CLPTM1: variants seen among roughly 807,000 people sequenced by gnomAD.
The protein encoded by CLPTM1 is CLPTM1 regulator of GABA type A receptor forward trafficking.
A neutral mutation model predicts 77.3 loss-of-function variants in CLPTM1; 21 were observed. The ratio of observed to expected loss-of-function variants is 0.27; its 90% confidence interval spans 0.19 to 0.39. The LOEUF (loss-of-function observed/expected upper bound fraction) is 0.39, where lower values mean the gene tolerates loss of function less well. CLPTM1 is among the 10% of genes least tolerant of loss of function. The pLI is 1.00. For synonymous variants in CLPTM1, 373 were observed against 381.0 expected, an observed-to-expected ratio of 0.98 and a Z score of 0.24; for missense variants, 642 against 921.2, an observed-to-expected ratio of 0.70 and a Z score of 3.92.
rs775999478 is a variant in CLPTM1, at chr19:44,982,065, GTGAC to G, written c.587-3150_587-3147del. ...TGTCAGTTTTCAGAATCTAGTGTGT[GTGAC>G]TGGGCACGGTGGCTCACATCTGTAA... On this transcript the variant is annotated intron_variant, in intron 5 of 13. Coordinates refer to ENST00000337392, the MANE Select transcript of CLPTM1 (RefSeq NM_001294.4). Among the ~76,000 whole-genome samples, 5 of 151,918 alleles carry G rather than the reference GTGAC, an allele frequency of 3.3e-5. No individual in the cohort carries two copies. The East Asian group carries it at 9.7e-4, about 29-fold the overall frequency.
chr19:44,987,219 C>T lies in CLPTM1; in HGVS notation c.834C>T (p.Ile278=). The T allele has an allele frequency of 6.2e-7, 1 of 1,614,216 alleles. No individual in the cohort carries two copies. The highest frequency in any genetic ancestry group is 8.5e-7 in the Non-Finnish European group (1 of 1,180,010). Residue 278 remains isoleucine (I), a synonymous_variant, in exon 8 of 14, where the codon ATC becomes ATT. Coordinates refer to ENST00000337392, the MANE Select transcript of CLPTM1 (RefSeq NM_001294.4). ...CCGTGAGCGGTGACTACTATCCCAT[C>T]ATCTACTTCAATGACTACTGGAACC... ...FDAVSGDYYP[I]IYFNDYWNLQ... is the part of the protein sequence containing the mutation.
intron 3 of CLPTM1, among the ~76,000 whole-genome samples, chr19:44,973,765 T>TTTTCTG (rs1555721348): frequency 7.6e-6 from 1 of 131,640 alleles, no homozygotes; most frequent in Non-Finnish European, 1.6e-5. Context: ...CAGTGGGTTT[T>TTTTCTG]TTTTTTTTTT....
intron 2 of CLPTM1, among the ~76,000 whole-genome samples, chr19:44,972,450 C>T (rs1390012552): frequency 1.3e-5 from 2 of 151,828 alleles, no homozygotes; most frequent in Non-Finnish European, 2.9e-5. Context: ...AGGGTTTCAC[C>T]ATGTTAGCCA....
Position 44,977,336 on chromosome 19 carries a change from T to G in CLPTM1, c.469-7T>G. On this transcript the variant is annotated splice_polypyrimidine_tract_variant and splice_region_variant and intron_variant, in intron 4 of 13. Transcript: ENST00000337392. ...AGCCTGCCCACCTGACCTTCCGTCT[T>G]TTGCAGAGCGTCCAGCAGAACGGCT... is the stretch of plus-strand genomic sequence containing the variant. The G allele has an allele frequency of 6.2e-7, 1 of 1,606,698 alleles. No individual in the cohort carries two copies. The highest frequency in any genetic ancestry group is 8.5e-7 in the Non-Finnish European group (1 of 1,178,696).
intron 2 of CLPTM1, among the ~76,000 whole-genome samples, chr19:44,972,442 G>A (rs977450042): frequency 1.3e-5 from 2 of 151,756 alleles, no homozygotes; most frequent in African/African-American, 2.4e-5. Flanking sequence ...GTAGAGACAG[G>A]GTTTCACCAT....
chr19:44,983,769 T>C (rs1009745730), intron 5 of CLPTM1, among the ~76,000 whole-genome samples: 1 of 151,872 alleles, frequency 6.6e-6, no homozygotes, highest in African/African-American at 2.4e-5. Context: ...GAGACAATCC[T>C]GGCTAACACA....
chr19:44,960,246 C>T (rs908431226), intron 1 of CLPTM1, among the ~76,000 whole-genome samples: 1 of 152,188 alleles, frequency 6.6e-6, no homozygotes, highest in African/African-American at 2.4e-5. Context: ...CTCTGACCAC[C>T]CACTCCAAAG....
chr19:44,975,818 T>A (rs1970797599), intron 4 of CLPTM1, among the ~76,000 whole-genome samples: 1 of 152,122 alleles, frequency 6.6e-6, no homozygotes, highest in Admixed American at 6.6e-5. Context: ...CCTACCTTGG[T>A]CTCCCAAAGT....
At chr19:44,968,058 T>C (rs918120581) in intron 2 of CLPTM1, among the ~76,000 whole-genome samples, 2 of 152,252 alleles carry the variant, frequency 1.3e-5, no homozygotes, top group African/African-American at 4.8e-5. Context: ...TTGATTTTTT[T>C]CATTAACAAT....
chr19:44,954,862 A>ATCCT (rs1432937981), upstream of CLPTM1: 1 of 1,206,226 alleles, frequency 8.3e-7, no homozygotes, highest in Admixed American at 2.7e-5. Flanking sequence ...CTTGAACGAA[A>ATCCT]GAGTTGTCTT....
upstream of CLPTM1, chr19:44,955,237 C>A: frequency 6.7e-7 from 1 of 1,503,452 alleles, no homozygotes; most frequent in Non-Finnish European, 8.9e-7. Context: ...TTGGTCCTTC[C>A]ATAGCCGGAA....
At chr19:44,986,377 G>C in intron 6 of CLPTM1, 78 bp from the exon 7 acceptor site, 1 of 1,524,510 alleles carries the variant, frequency 6.6e-7, no homozygotes, top group Non-Finnish European at 8.9e-7. Context: ...GGGAACCCTG[G>C]GGAGGAAGTG....
upstream of CLPTM1, chr19:44,954,999 G>C (rs1970434506): frequency 6.5e-7 from 1 of 1,535,572 alleles, no homozygotes; most frequent in South Asian, 1.2e-5. Context: ...GGCCGGTAAA[G>C]CTCAAGAAAC....
chr19:44,975,813 C>T (rs185466571), intron 4 of CLPTM1, among the ~76,000 whole-genome samples: 1 of 152,190 alleles, frequency 6.6e-6, no homozygotes, highest in African/African-American at 2.4e-5. Context: ...ATCCACCTAC[C>T]TTGGTCTCCC....
intron 9 of CLPTM1, among the ~76,000 whole-genome samples, chr19:44,988,468 C>A (rs1461870719): frequency 6.6e-6 from 1 of 152,252 alleles, no homozygotes; most frequent in Non-Finnish European, 1.5e-5. Flanking sequence ...AGCAGGGAAG[C>A]CCCGGAGCTG....
intron 4 of CLPTM1, 22 bp from the exon 5 acceptor site, chr19:44,977,321 C>T (rs1415696556): frequency 1.3e-6 from 2 of 1,591,870 alleles, no homozygotes; most frequent in Admixed American, 1.7e-5. Flanking sequence ...AGCCTGCCCA[C>T]CTGACCTTCC....
intron 2 of CLPTM1, among the ~76,000 whole-genome samples, chr19:44,972,502 G>A (rs994782363): frequency 1.3e-5 from 2 of 152,062 alleles, no homozygotes; most frequent in Non-Finnish European, 2.9e-5. Flanking sequence ...GCCCGCCTTG[G>A]CCTCCCAAAG....
chr19:44,989,522 G>T (rs1291395719), intron 9 of CLPTM1, among the ~76,000 whole-genome samples: 1 of 151,996 alleles, frequency 6.6e-6, no homozygotes, highest in Non-Finnish European at 1.5e-5. Flanking sequence ...ATGGGCAGGG[G>T]TGGGTGGGGT....
rs1039010049 is a variant in CLPTM1, at chr19:44,993,084, G to T, written c.*187G>T. The T allele has an allele frequency of 1.3e-6, 1 of 760,074 alleles. No individual in the cohort carries two copies. The highest frequency in any genetic ancestry group is 2.3e-6 in the Non-Finnish European group (1 of 432,490). The allele number at this position is 760,074 out of a possible 1,614,324, so 47.1% of individuals were successfully genotyped here. ...CAGGCCAGGGTTTGTTTGTGGAGGCGCTGTCTGTCCCTCTGTCCCTCTGTG... is the reference window on the plus strand; with the variant it reads ...CAGGCCAGGGTTTGTTTGTGGAGGCTCTGTCTGTCCCTCTGTCCCTCTGTG... On this transcript the variant is annotated 3_prime_UTR_variant, in exon 14 of 14. Transcript: ENST00000337392.
Sources: gnomAD v4.1 joint callset for allele counts (sites outside exome capture counted in the v4.1 genomes callset) on GRCh38, gnomAD v4.1.1 for gene constraint, MANE v1.5 for transcripts, NCBI Gene and HGNC (gene_info 2026-07-23, HGNC 2026-07-21) for gene names.